The following SPTAN1 variants were observed in gnomAD, a reference collection of about 807,000 sequenced individuals.
SPTAN1 encodes the protein spectrin alpha chain, non-erythrocytic 1.
SPTAN1 carries 61 observed loss-of-function variants against 331.3 expected under a neutral mutation model. That is an observed-to-expected ratio of 0.18 (90% CI 0.15 to 0.23). SPTAN1 has a LOEUF of 0.23. Ranked by LOEUF, SPTAN1 falls within the 10% of genes least tolerant of loss-of-function variation. The pLI is 1.00. For missense variants in SPTAN1, 2,043 were observed against 3,147.9 expected (o/e 0.65, Z 8.40); for synonymous variants, 1,153 against 1,173.9 (o/e 0.98, Z 0.36).
intron 19 of SPTAN1, among the ~76,000 whole-genome samples, chr9:128,586,490 T>C (rs1490526863): frequency 6.6e-6 from 1 of 152,108 alleles, no homozygotes; most frequent in Non-Finnish European, 1.5e-5. Context: ...AGAAGATGAC[T>C]TCTCACTCAC....
intron 52 of SPTAN1, chr9:128,631,412 T>C: frequency 6.6e-6 from 1 of 151,974 alleles, no homozygotes; most frequent in East Asian, 2.0e-4. Context: ...TGACCCGAGA[T>C]CAGGCCATTG....
intron 37 of SPTAN1, among the ~76,000 whole-genome samples, chr9:128,609,923 G>T (rs1245984842): frequency 6.6e-6 from 1 of 152,174 alleles, no homozygotes; most frequent in African/African-American, 2.4e-5. Context: ...TACAGTGTTT[G>T]ATTTGCGGGG....
intron 11 of SPTAN1, 43 bp downstream of exon 11, chr9:128,581,102 G>T (rs749639256): frequency 6.2e-7 from 1 of 1,612,564 alleles, no homozygotes; most frequent in South Asian, 1.1e-5. Context: ...GAGAAGAAGG[G>T]CCTGTGTTTT....
Position 128,582,736 on chromosome 9 carries a change from C to A in SPTAN1, c.1693C>A (p.Arg565Ser). 1 of 1,613,990 alleles carries A rather than the reference C, an allele frequency of 6.2e-7. No homozygotes were observed. Among genetic ancestry groups the A allele is most frequent in the Non-Finnish European group, 8.5e-7 (1 of 1,180,036 alleles). Residue 565 changes from arginine (R) to serine (S), a missense_variant, in exon 14 of 57, where the codon CGC (arginine) becomes AGC (serine). Physicochemically the swap from Arg to Ser is moderately radical, Grantham distance 110. This residue lies in a region of SPTAN1 where 1,038 missense variants were observed against 1,531.5 expected (regional missense o/e 0.68). Coordinates refer to ENST00000372739, the MANE Select transcript of SPTAN1 (RefSeq NM_001130438.3). ...TGCCCTTCACGAGAGAGCCATGCGT[C>A]GCCGGGCCCAGCTAGCCGATTCTTT... Reference protein sequence around the residue: ...RNALHERAMRRRAQLADSFHL... With the variant: ...RNALHERAMRSRAQLADSFHL...
At chr9:128,631,229 G>A (rs1042370198) in intron 52 of SPTAN1, among the ~76,000 whole-genome samples, 34 of 149,510 alleles carry the variant, frequency 2.3e-4, no homozygotes, top group East Asian at 2.1e-4. Context: ...AAGCCGAGGC[G>A]GGTGGATTGC....
At chr9:128,572,437 G>A (rs1023241530) in intron 3 of SPTAN1, among the ~76,000 whole-genome samples, 1 of 151,156 alleles carries the variant, frequency 6.6e-6, no homozygotes, top group Admixed American at 6.6e-5. Flanking sequence ...ATCAGCAATG[G>A]GACAATGGTT....
In SPTAN1 at chr9:128,606,114, G is replaced by A. The variant is rs182410884; in HGVS notation, c.4046+637G>A. Among the ~76,000 whole-genome samples, 737 of 151,904 alleles carry A rather than the reference G, an allele frequency of 4.9e-3. 2 individuals are homozygous for A. Among genetic ancestry groups the A allele is most frequent in the Non-Finnish European group, 8.6e-3 (585 of 67,948 alleles). The stretch of plus-strand genomic sequence containing the variant: ...CAGCCGGGCACGGTGGCTCACGCCT[G>A]TAATCCCAGCACTTTGGGAAGTCAA... On this transcript the variant is annotated intron_variant, in intron 31 of 56. Coordinates refer to ENST00000372739, the MANE Select transcript of SPTAN1 (RefSeq NM_001130438.3).
rs1855534450 is a variant in SPTAN1, at chr9:128,604,236, C to G, written c.3628-90C>G. 4 of 1,281,428 alleles carry G rather than the reference C, an allele frequency of 3.1e-6. No homozygotes were observed. In the South Asian group the frequency reaches 5.0e-5, roughly 16 times the overall value. 79.4% of individuals were successfully genotyped at this position (1,281,428 alleles called of 1,614,324 possible). On this transcript the variant is annotated intron_variant, in intron 28 of 56. Coordinates refer to ENST00000372739, the MANE Select transcript of SPTAN1 (RefSeq NM_001130438.3). ...CAGGAAATTATATATGCCCTAGCATCTCCTTCAAACAAAGTCATTTTCCCA... is the reference window on the plus strand; with the variant it reads ...CAGGAAATTATATATGCCCTAGCATGTCCTTCAAACAAAGTCATTTTCCCA...
At position 128,577,471 on chromosome 9, in the gene SPTAN1, G is replaced by A. The variant is rs752710398; in HGVS notation, c.1050G>A (p.Ala350=). 5.0e-6 allele frequency: 8 copies of A among 1,614,124 alleles called. No individual in the cohort carries two copies. Among genetic ancestry groups the A allele is most frequent in the East Asian group, 2.2e-5 (1 of 44,888 alleles). Residue 350 remains alanine (A), a synonymous_variant, in exon 8 of 57, where the codon GCG becomes GCA. Coordinates refer to ENST00000372739, the MANE Select transcript of SPTAN1 (RefSeq NM_001130438.3). This position sits in a 1 kb window ranked among gnomAD's most constrained non-coding sequence, Gnocchi z 4.2. ...ITNWEQIRTL[A]AERHARLNDS... ...ACTGGGAGCAGATCCGCACCTTGGC[G>A]GCAGAGAGACATGCACGGCTCAATG...
At chr9:128,566,668 G>T in intron 1 of SPTAN1, 70 bp from the exon 2 acceptor site, 6 of 1,605,888 alleles carry the variant, frequency 3.7e-6, no homozygotes, top group Non-Finnish European at 5.1e-6. Flanking sequence ...CTTTCCTTCA[G>T]AGAGGCTAAT....
At chr9:128,566,663 C>T in intron 1 of SPTAN1, 75 bp from the exon 2 acceptor site, 1 of 1,602,006 alleles carries the variant, frequency 6.2e-7, no homozygotes, top group Non-Finnish European at 8.5e-7. Flanking sequence ...TATTTCTTTC[C>T]TTCAGAGAGG....
In SPTAN1 at chr9:128,632,735, C is replaced by T. The variant is rs1423474922; in HGVS notation, c.7160+17C>T. On this transcript the variant is annotated intron_variant, in intron 55 of 56. Coordinates refer to ENST00000372739, the MANE Select transcript of SPTAN1 (RefSeq NM_001130438.3). The stretch of plus-strand genomic sequence containing the variant: ...TCCGAACAGGTAAATTAATTAAGGC[C>T]AGGTGCTGTGAGCCTCTGCCCGGGG... The T allele has an allele frequency of 1.2e-6, 2 of 1,614,024 alleles. No individual in the cohort carries two copies. The highest frequency in any genetic ancestry group is 1.7e-6 in the Non-Finnish European group (2 of 1,180,034).
chr9:128,611,904 T>G, intron 38 of SPTAN1, 59 bp downstream of exon 38: 1 of 1,612,850 alleles, frequency 6.2e-7, no homozygotes, highest in South Asian at 1.1e-5. Context: ...ACTGTCAACC[T>G]GATATAATAA....
In SPTAN1 at chr9:128,587,633, A is replaced by G. The variant is rs755140657; in HGVS notation, c.2806A>G (p.Met936Val). 27 of 1,613,824 alleles carry G rather than the reference A, an allele frequency of 1.7e-5. No individual in the cohort carries two copies. Among genetic ancestry groups the G allele is most frequent in the Non-Finnish European group, 1.6e-5 (19 of 1,179,972 alleles). ...EALLKKHEALMSDLSAYGSSI... is the reference protein window; with the variant it reads ...EALLKKHEALVSDLSAYGSSI... Reference sequence around the variant, plus strand: ...TCTACTGAAGAAACACGAAGCTTTGATGTCAGATCTCAGTGCCTACGGCAG... The same window carrying G: ...TCTACTGAAGAAACACGAAGCTTTGGTGTCAGATCTCAGTGCCTACGGCAG... The change falls in exon 20 of 57, where the codon ATG becomes GTG. Residue 936 changes from methionine (M) to valine (V), a missense_variant. Coordinates refer to ENST00000372739, the MANE Select transcript of SPTAN1 (RefSeq NM_001130438.3).
intron 54 of SPTAN1, 29 bp downstream of exon 54, chr9:128,632,513 G>C: frequency 6.2e-7 from 1 of 1,614,178 alleles, no homozygotes; most frequent in Non-Finnish European, 8.5e-7. Flanking sequence ...GCCCTGGCTG[G>C]GTGGGGGGTG....
intron 40 of SPTAN1, among the ~76,000 whole-genome samples, chr9:128,614,002 C>T (rs1389527762): frequency 6.8e-6 from 1 of 146,640 alleles, no homozygotes; most frequent in African/African-American, 2.5e-5. Context: ...AAGACTCCAT[C>T]TCAAAAAAAA....
At chr9:128,599,091 C>A in intron 26 of SPTAN1, 105 bp downstream of exon 26, 2 of 1,070,350 alleles carry the variant, frequency 1.9e-6, no homozygotes, top group Non-Finnish European at 2.9e-6. Flanking sequence ...GTTCCTGAAC[C>A]TCAGATGCCT....
rs776612890 is a variant in SPTAN1 at position 128,629,499 on chromosome 9, G to A, written c.6708-822G>A. On this transcript the variant is annotated intron_variant, in intron 51 of 56. Transcript: ENST00000372739. The surrounding 1 kb of genome is among the most constrained non-coding windows in gnomAD (Gnocchi z 4.9). Reference sequence around the variant, plus strand: ...GGCTCGCCGGGTTTTAAAAGGGTAGGTTGGGGTGAATGTGGGTACAGGGGA... The same window carrying A: ...GGCTCGCCGGGTTTTAAAAGGGTAGATTGGGGTGAATGTGGGTACAGGGGA... 6.6e-6 allele frequency among the ~76,000 whole-genome samples: 1 copy of A among 152,168 alleles called. No homozygotes were observed. Among genetic ancestry groups the A allele is most frequent in the Non-Finnish European group, 1.5e-5 (1 of 68,024 alleles).
intron 27 of SPTAN1, among the ~76,000 whole-genome samples, chr9:128,603,142 C>T (rs1855395230): frequency 6.6e-6 from 1 of 151,838 alleles, no homozygotes; most frequent in Non-Finnish European, 1.5e-5. Context: ...ATTAGAGCTC[C>T]TGGCTGTTAA....
Sources: allele counts gnomAD v4.1 joint callset (sites outside exome capture counted in the v4.1 genomes callset), GRCh38; gene constraint gnomAD v4.1.1; regional missense constraint gnomAD v4.1.1; non-coding constraint Gnocchi (gnomAD v3.1); transcripts MANE v1.5; gene names NCBI Gene and HGNC (gene_info 2026-07-23, HGNC 2026-07-21).